The following KIF15 variants were observed in gnomAD, a reference collection of about 807,000 sequenced individuals.
The protein encoded by KIF15 is kinesin family member 15.
Under a neutral mutation model 190.6 loss-of-function variants are expected in KIF15, and 140 were observed. That is an observed-to-expected ratio of 0.73 (90% CI 0.64 to 0.84). The LOEUF is 0.84. Ranked by LOEUF, KIF15 falls within the 40% of genes least tolerant of loss-of-function variation. The probability of loss-of-function intolerance (pLI) is 0.00; values close to 1 mark genes in which losing one functional copy is unlikely to be tolerated. For missense variants in KIF15, 1,372 were observed against 1,584.4 expected, an observed-to-expected ratio of 0.87 and a Z score of 2.28; for synonymous variants, 528 against 551.3, an observed-to-expected ratio of 0.96 and a Z score of 0.59.
intron 8 of KIF15, 53 bp from the exon 9 acceptor site, chr3:44,797,498 C>A (rs987712936): frequency 3.8e-6 from 6 of 1,587,372 alleles, no homozygotes; most frequent in Non-Finnish European, 4.3e-6. Flanking sequence ...ATTCAAAATA[C>A]CAAAGAGTAA....
rs775173995 is a variant in KIF15, at chr3:44,786,581, T to A, written c.639+7T>A. 1 of 1,601,898 alleles carries A rather than the reference T, an allele frequency of 6.2e-7. No homozygotes were observed. Among genetic ancestry groups the A allele is most frequent in the African/African-American group, 1.3e-5 (1 of 74,678 alleles). ...AGCTGCTGAAGCCTATCAGGTACCC[T>A]GCCATGAGTACTTAATTGGTGCTTA... On this transcript the variant is annotated splice_region_variant and intron_variant, in intron 7 of 34. Transcript: ENST00000326047.
chr3:44,770,611 C>G (rs956489994), intron 1 of KIF15, among the ~76,000 whole-genome samples: 31 of 152,204 alleles, frequency 2.0e-4, no homozygotes, highest in Non-Finnish European at 4.4e-5. Flanking sequence ...AGGAAGCATA[C>G]CCTTCCAGTC....
At position 44,841,147 on chromosome 3, in the gene KIF15, A is replaced by T. The variant is rs766017929; in HGVS notation, c.3494A>T (p.Asp1165Val). 6.2e-7 allele frequency: 1 copy of T among 1,613,384 alleles called. No individual in the cohort carries two copies. The highest frequency in any genetic ancestry group is 1.1e-5 in the South Asian group (1 of 91,050). ...GAAACACAAGAACAAGAGATAGAAG[A>T]TGGAAGAGCCTCTAAGACTTCTTTG... Reference protein sequence around the residue: ...LLETQEQEIEDGRASKTSLEH... With the variant: ...LLETQEQEIEVGRASKTSLEH... The change falls in exon 29 of 35, where the codon GAT becomes GTT. Residue 1165 changes from aspartate to valine, a missense_variant. Transcript: ENST00000326047.
chr3:44,825,944 G>A, intron 20 of KIF15, 95 bp from the exon 21 acceptor site: 1 of 1,100,054 alleles, frequency 9.1e-7, no homozygotes, highest in South Asian at 1.5e-5. Flanking sequence ...GTTGGGAATG[G>A]GCTGTAGATG....
intron 6 of KIF15, chr3:44,861,918 A>G (rs1400587424): frequency 1.4e-6 from 2 of 1,473,808 alleles, no homozygotes; most frequent in African/African-American, 1.5e-5. Context: ...CGGTGTCAGC[A>G]GGCAACATGG....
At chr3:44,842,069 G>A (rs1365770646) in intron 29 of KIF15, among the ~76,000 whole-genome samples, 1 of 152,086 alleles carries the variant, frequency 6.6e-6, no homozygotes, top group Non-Finnish European at 1.5e-5. Flanking sequence ...AAATGATGTA[G>A]TTTTACATTT....
Position 44,761,840 on chromosome 3 carries a change from T to G in KIF15, c.-26T>G. On this transcript the variant is annotated 5_prime_UTR_variant, in exon 1 of 35. Transcript: ENST00000326047. ...GAGGTGGAGGCACCGGCTGCATTGT[T>G]TTCGGGATCGAGGGGTGAGGGCGCT... 1 of 1,614,134 alleles carries G rather than the reference T, an allele frequency of 6.2e-7. No individual in the cohort carries two copies. Among genetic ancestry groups the G allele is most frequent in the Non-Finnish European group, 8.5e-7 (1 of 1,180,014 alleles).
At position 44,790,695 on chromosome 3, in the gene KIF15, C is replaced by CTTTTTTTTTTTTTTTTT. The variant is rs56414094; in HGVS notation, c.640-3516_640-3500dup. On this transcript the variant is annotated intron_variant, in intron 7 of 34. Transcript: ENST00000326047. ...CGTTTTCCCATCAGTTTTTCTGTTT[C>CTTTTTTTTTTTTTTTTT]TTTTTTTTTTTTTTTTTTTTTTGAG... Among the ~76,000 whole-genome samples, 8 of 97,940 alleles carry CTTTTTTTTTTTTTTTTT rather than the reference C, an allele frequency of 8.2e-5. 1 individual carries two copies. Among genetic ancestry groups the CTTTTTTTTTTTTTTTTT allele is most frequent in the Non-Finnish European group, 1.4e-4 (7 of 51,506 alleles). The allele number at this position is 97,940 out of a possible 152,430, so 64.3% of individuals were successfully genotyped here. A position where few individuals can be genotyped will look rare whatever the true frequency, so the allele number is the denominator to read the frequency against.
At chr3:44,861,767 C>T in intron 6 of KIF15, 1 of 800,074 alleles carries the variant, frequency 1.2e-6, no homozygotes, top group South Asian at 1.8e-5. Context: ...GTCTCTGCCA[C>T]CTGGCCCGCC....
chr3:44,865,261 G>C, intron 6 of KIF15: 1 of 1,574,948 alleles, frequency 6.3e-7, no homozygotes, highest in Admixed American at 1.7e-5. Context: ...TGTATCCTAG[G>C]GCGATCCAGT....
intron 6 of KIF15, among the ~76,000 whole-genome samples, chr3:44,859,037 A>C (rs1382819038): frequency 6.6e-6 from 1 of 152,222 alleles, no homozygotes; most frequent in Non-Finnish European, 1.5e-5. Flanking sequence ...GGCAAGCTGG[A>C]CAGTCTGATT....
intron 17 of KIF15, 149 bp from the exon 18 acceptor site, chr3:44,812,033 G>T: frequency 1.6e-6 from 1 of 611,012 alleles, no homozygotes; most frequent in South Asian, 2.1e-5. Flanking sequence ...ATGTTTTCTG[G>T]CTCCAAACAG....
At chr3:44,799,172 T>C in intron 10 of KIF15, 1 of 441,524 alleles carries the variant, frequency 2.3e-6, no homozygotes, top group East Asian at 7.0e-5. Context: ...GGGACAGTGA[T>C]GTCAGAAGTG....
intron 7 of KIF15, 151 bp from the exon 8 acceptor site, chr3:44,794,066 G>A: frequency 1.7e-6 from 1 of 583,864 alleles, no homozygotes; most frequent in Non-Finnish European, 3.0e-6. Flanking sequence ...TTTTGTAGAG[G>A]TGAGGTCTCA....
chr3:44,864,122 C>G (rs1559602683), intron 6 of KIF15: 1 of 1,593,926 alleles, frequency 6.3e-7, no homozygotes, highest in Non-Finnish European at 8.6e-7. Flanking sequence ...CAACCACAGT[C>G]CTGGGTGTGC....
intron 2 of KIF15, 30 bp downstream of exon 2, chr3:44,774,467 C>T: frequency 6.4e-7 from 1 of 1,569,836 alleles, no homozygotes; most frequent in Non-Finnish European, 8.8e-7. Flanking sequence ...CAATGAGCTC[C>T]CAAAGGACTA....
At chr3:44,858,765 C>A (rs1311481692) in intron 6 of KIF15, among the ~76,000 whole-genome samples, 1 of 152,146 alleles carries the variant, frequency 6.6e-6, no homozygotes, top group African/African-American at 2.4e-5. Flanking sequence ...GCCGTCAATA[C>A]CCACAACAGT....
chr3:44,838,394 A>G lies in KIF15; in HGVS notation c.3291A>G (p.Glu1097=). The part of the protein sequence containing the change: ...QSAQEELTKK[E]ALIQELQHKL... ...CCCAGGAAGAACTGACCAAGAAGGA[A>G]GCCCTGATTCAGGAACTTCAGCACA... Residue 1097 remains glutamate (E), a synonymous_variant, in exon 27 of 35, where the codon GAA becomes GAG. Coordinates refer to ENST00000326047, the MANE Select transcript of KIF15 (RefSeq NM_020242.3). 6.2e-7 allele frequency: 1 copy of G among 1,613,474 alleles called. No homozygotes were observed. Among genetic ancestry groups the G allele is most frequent in the Middle Eastern group, 1.7e-4 (1 of 6,058 alleles).
chr3:44,807,132 T>C (rs1707542178), intron 16 of KIF15, among the ~76,000 whole-genome samples: 1 of 152,256 alleles, frequency 6.6e-6, no homozygotes, highest in South Asian at 2.1e-4. Context: ...TTATTTATAA[T>C]GATTATTTTT....
Sources: allele counts gnomAD v4.1 joint callset (sites outside exome capture counted in the v4.1 genomes callset), GRCh38; gene constraint gnomAD v4.1.1; transcripts MANE v1.5; gene names NCBI Gene and HGNC (gene_info 2026-07-23, HGNC 2026-07-21).